GABRB2: variants seen among roughly 807,000 people sequenced by gnomAD.
GABRB2 encodes gamma-aminobutyric acid type A receptor subunit beta2, also known as gamma-aminobutyric acid receptor subunit beta-2.
Under a neutral mutation model 54.7 loss-of-function variants are expected in GABRB2, and 16 were observed. The observed-to-expected ratio is 0.29, with a 90% confidence interval of 0.20 to 0.44. The LOEUF is 0.44. Ranked by LOEUF, GABRB2 falls within the 20% of genes least tolerant of loss-of-function variation. The probability of loss-of-function intolerance (pLI) is 1.00; values close to 1 mark genes in which losing one functional copy is unlikely to be tolerated. For missense variants in GABRB2, 355 were observed against 644.0 expected (o/e 0.55, Z 4.86); for synonymous variants, 244 against 233.8 (o/e 1.04, Z -0.40).
chr5:161,546,728 G>A (rs1324275938), upstream of GABRB2: 47 of 1,540,694 alleles, frequency 3.1e-5, no homozygotes, highest in Admixed American at 7.9e-5. Flanking sequence ...TCTAATGTGA[G>A]GCGCATGCGC....
intron 4 of GABRB2, among the ~76,000 whole-genome samples, chr5:161,413,835 C>G (rs757840953): frequency 1.2e-4 from 18 of 152,006 alleles, no homozygotes; most frequent in Non-Finnish European, 2.1e-4. Flanking sequence ...AGTATAGAAG[C>G]CTTGATTGTG....
chr5:161,354,430 G>A (rs1002215583), intron 5 of GABRB2, among the ~76,000 whole-genome samples: 4 of 152,040 alleles, frequency 2.6e-5, no homozygotes, highest in Admixed American at 2.6e-4. Context: ...AATAACAGAT[G>A]TATCTGCAAA....
intron 4 of GABRB2, among the ~76,000 whole-genome samples, chr5:161,445,695 A>G (rs1757596973): frequency 6.6e-6 from 1 of 152,130 alleles, no homozygotes; most frequent in Non-Finnish European, 1.5e-5. Flanking sequence ...CATTCTTTCT[A>G]TTGATAATAA....
In GABRB2 at chr5:161,445,716, C is replaced by A. The variant is rs998331838; in HGVS notation, c.458+13908G>T. 2.0e-5 allele frequency among the ~76,000 whole-genome samples: 3 copies of A among 152,234 alleles called. No individual in the cohort carries two copies. In the South Asian group the frequency reaches 6.2e-4, roughly 32 times the overall value. On this transcript the variant is annotated intron_variant, in intron 4 of 9. Coordinates refer to ENST00000393959, the MANE Select transcript of GABRB2 (RefSeq NM_001371727.1). ...TTCTATTGATAATAACTCTTTCAAC[C>A]AATTGCCAATCCGAAAATATTTGAA... is the stretch of plus-strand genomic sequence containing the variant.
chr5:161,355,434 A>G (rs1003850461), intron 5 of GABRB2, among the ~76,000 whole-genome samples: 3 of 151,030 alleles, frequency 2.0e-5, no homozygotes, highest in Non-Finnish European at 4.4e-5. Flanking sequence ...ATGCATATGT[A>G]TATAACACAC....
At chr5:161,528,813 A>G (rs1024735879) in intron 3 of GABRB2, among the ~76,000 whole-genome samples, 10 of 151,850 alleles carry the variant, frequency 6.6e-5, no homozygotes, top group African/African-American at 2.4e-4. Flanking sequence ...TAGATTAGAA[A>G]CTTTTTTGAA....
intron 3 of GABRB2, among the ~76,000 whole-genome samples, chr5:161,490,315 A>G (rs1367632680): frequency 1.3e-5 from 2 of 151,750 alleles, no homozygotes; most frequent in African/African-American, 4.8e-5. Flanking sequence ...CAAAGAAGTC[A>G]TAAACATTTG....
At chr5:161,533,041 G>C (rs1039686944) in intron 3 of GABRB2, among the ~76,000 whole-genome samples, 1 of 152,104 alleles carries the variant, frequency 6.6e-6, no homozygotes, top group African/African-American at 2.4e-5. Context: ...TGTTAGGAGA[G>C]AAGTCATTTC....
chr5:161,501,221 C>T (rs373259862), intron 3 of GABRB2, among the ~76,000 whole-genome samples: 12 of 151,882 alleles, frequency 7.9e-5, no homozygotes, highest in South Asian at 2.1e-4. Context: ...AAGAGCTACG[C>T]GCATGTATGA....
At chr5:161,482,466 G>A (rs994410616) in intron 3 of GABRB2, among the ~76,000 whole-genome samples, 3 of 152,140 alleles carry the variant, frequency 2.0e-5, no homozygotes, top group South Asian at 2.1e-4. Context: ...AGACTGCCTC[G>A]TGGCAGAAAA....
At chr5:161,441,266 G>A in intron 4 of GABRB2, among the ~76,000 whole-genome samples, 1 of 151,992 alleles carries the variant, frequency 6.6e-6, no homozygotes, top group Non-Finnish European at 1.5e-5. Context: ...AACTCTTTAG[G>A]AAAAAGTCTG....
At chr5:161,370,982 G>A (rs960616276) in intron 5 of GABRB2, among the ~76,000 whole-genome samples, 1 of 152,152 alleles carries the variant, frequency 6.6e-6, no homozygotes. Context: ...TCATGTAGCA[G>A]TATGTTAGTA....
At chr5:161,457,743 G>T (rs1455764710) in intron 4 of GABRB2, among the ~76,000 whole-genome samples, 2 of 152,024 alleles carry the variant, frequency 1.3e-5, no homozygotes, top group Admixed American at 1.3e-4. Context: ...ACTGCGCTCA[G>T]CCCCCTTTTC....
chr5:161,494,926 A>C (rs1759186740), intron 3 of GABRB2, among the ~76,000 whole-genome samples: 1 of 151,938 alleles, frequency 6.6e-6, no homozygotes, highest in Non-Finnish European at 1.5e-5. Context: ...AAAATTTAAA[A>C]TATAAGCCTA....
At chr5:161,330,571 T>C (rs966861502) in intron 8 of GABRB2, 3 of 212,224 alleles carry the variant, frequency 1.4e-5, no homozygotes, top group African/African-American at 6.8e-5. Flanking sequence ...CCTTTTTAAA[T>C]AAATTAGGTG....
chr5:161,336,600 AT>A (rs770806365), intron 6 of GABRB2, 31 bp downstream of exon 6: 3 of 1,606,004 alleles, frequency 1.9e-6, no homozygotes, highest in Non-Finnish European at 2.6e-6. Flanking sequence ...GGTGAAGATT[AT>A]TTTCCCTTAA....
chr5:161,473,738 T>C (rs1758511819), intron 3 of GABRB2, among the ~76,000 whole-genome samples: 1 of 151,998 alleles, frequency 6.6e-6, no homozygotes, highest in South Asian at 2.1e-4. Flanking sequence ...CATCAGCCAC[T>C]GTTAGACCCA....
chr5:161,537,302 C>T (rs987825592), intron 3 of GABRB2, among the ~76,000 whole-genome samples: 1 of 152,150 alleles, frequency 6.6e-6, no homozygotes, highest in African/African-American at 2.4e-5. Context: ...TATATGCTGA[C>T]AATGCTCAGT....
intron 5 of GABRB2, among the ~76,000 whole-genome samples, chr5:161,408,471 A>C (rs1161756601): frequency 6.6e-6 from 1 of 152,080 alleles, no homozygotes; most frequent in Non-Finnish European, 1.5e-5. Context: ...ATTAGTGTTC[A>C]ATAACAATTT....
Sources: gnomAD v4.1 joint callset for allele counts (sites outside exome capture counted in the v4.1 genomes callset) on GRCh38, gnomAD v4.1.1 for gene constraint, MANE v1.5 for transcripts, NCBI Gene and HGNC (gene_info 2026-07-23, HGNC 2026-07-21) for gene names.